Variants in SPAG16 observed in about 807,000 individuals in gnomAD.
SPAG16 encodes sperm-associated antigen 16 protein.
SPAG16 carries 86 observed loss-of-function variants against 80.4 expected under a neutral mutation model. The ratio of observed to expected loss-of-function variants is 1.07; its 90% CI spans 0.90 to 1.28. The LOEUF (loss-of-function observed/expected upper bound fraction) is 1.28. SPAG16 is among the 50% of genes most tolerant of loss of function. SPAG16 has a pLI of 0.00. For synonymous variants in SPAG16, 294 were observed against 265.9 expected, an observed-to-expected ratio of 1.11 and a Z score of -1.03; for missense variants, 870 against 765.3, an observed-to-expected ratio of 1.14 and a Z score of -1.61.
At chr2:214,371,591 G>T (rs1699820432) in intron 15 of SPAG16, among the ~76,000 whole-genome samples, 2 of 148,808 alleles carry the variant, frequency 1.3e-5, no homozygotes. Flanking sequence ...GTTTCAGGAA[G>T]ATAAATTCAT....
At chr2:213,378,097 G>C (rs1310450540) in intron 9 of SPAG16, among the ~76,000 whole-genome samples, 1 of 152,096 alleles carries the variant, frequency 6.6e-6, no homozygotes. Flanking sequence ...CCAGCATGGA[G>C]AAAGATGTAG....
At chr2:214,395,971 A>C (rs1372621228) in intron 15 of SPAG16, among the ~76,000 whole-genome samples, 1 of 152,144 alleles carries the variant, frequency 6.6e-6, no homozygotes, top group Non-Finnish European at 1.5e-5. Context: ...TGCTATTGTG[A>C]ATAGTGCTGC....
intron 5 of SPAG16, among the ~76,000 whole-genome samples, chr2:213,328,335 A>G (rs1048323078): frequency 1.3e-5 from 2 of 151,100 alleles, no homozygotes; most frequent in Non-Finnish European, 3.0e-5. Context: ...TCTTTTTGCA[A>G]ATTATTTGAA....
chr2:213,904,538 C>A (rs1392412825), intron 11 of SPAG16, among the ~76,000 whole-genome samples: 1 of 123,758 alleles, frequency 8.1e-6, no homozygotes, highest in Non-Finnish European at 1.6e-5. Flanking sequence ...AAGTACAATT[C>A]AAGATGAGAT....
At chr2:214,203,330 T>C (rs1241949478) in intron 15 of SPAG16, among the ~76,000 whole-genome samples, 1 of 152,168 alleles carries the variant, frequency 6.6e-6, no homozygotes, top group Admixed American at 6.6e-5. Flanking sequence ...AGGACTAACT[T>C]TCAGCTCCCA....
chr2:214,069,747 A>G (rs1019745596), intron 13 of SPAG16, among the ~76,000 whole-genome samples: 7 of 151,990 alleles, frequency 4.6e-5, no homozygotes, highest in Non-Finnish European at 1.5e-5. Flanking sequence ...AGAAACTTCT[A>G]TATCTACTCA....
chr2:214,148,548 A>G (rs181394410), intron 14 of SPAG16, among the ~76,000 whole-genome samples: 18 of 152,236 alleles, frequency 1.2e-4, no homozygotes, highest in African/African-American at 3.9e-4. Context: ...GCACCATTTC[A>G]TTGCCATCAA....
chr2:213,981,681 G>A lies in SPAG16; in HGVS notation c.1401-32270G>A, dbSNP rs557031431. 2.6e-5 allele frequency among the ~76,000 whole-genome samples: 4 copies of A among 152,000 alleles called. No homozygotes were observed. In the East Asian group the frequency reaches 7.7e-4, roughly 29 times the overall value. On this transcript the variant is annotated intron_variant, in intron 12 of 15. Transcript: ENST00000331683. ...AGCTTCTTATTAGAGGGTCAGATTG[G>A]TTTTATATTAATGTGAAGAGCGCAA...
chr2:214,179,258 T>C (rs2057232572), intron 15 of SPAG16, among the ~76,000 whole-genome samples: 1 of 151,484 alleles, frequency 6.6e-6, no homozygotes, highest in African/African-American at 2.4e-5. Context: ...ATTGTTTCCA[T>C]TGAGTTTTAT....
chr2:213,941,588 G>C (rs1036418038), intron 12 of SPAG16, among the ~76,000 whole-genome samples: 4 of 152,072 alleles, frequency 2.6e-5, no homozygotes, highest in African/African-American at 9.7e-5. Context: ...AACATACTGG[G>C]AAAGTAGTAA....
intron 12 of SPAG16, among the ~76,000 whole-genome samples, chr2:213,971,374 A>G (rs1241566303): frequency 6.6e-6 from 1 of 152,254 alleles, no homozygotes; most frequent in Non-Finnish European, 1.5e-5. Flanking sequence ...AAATACTAAT[A>G]TATGCAAAAC....
chr2:214,387,593 G>A (rs547260796), intron 15 of SPAG16, among the ~76,000 whole-genome samples: 2 of 152,214 alleles, frequency 1.3e-5, no homozygotes, highest in African/African-American at 2.4e-5. Context: ...CCATCCTCAC[G>A]CTGCTAATAA....
rs556706286 is a variant in SPAG16 at position 213,595,561 on chromosome 2, G to T, written c.1070+105471G>T. Among the ~76,000 whole-genome samples the T allele has an allele frequency of 1.4e-3, 216 of 152,152 alleles. 1 individual carries two copies. Among genetic ancestry groups the T allele is most frequent in the African/African-American group, 5.1e-3 (210 of 41,562 alleles). The stretch of plus-strand genomic sequence containing the variant: ...TTTAGATAATTTAGGTAGTTATGGA[G>T]TTAATAGTTTTAGAATATTTCTGTT... On this transcript the variant is annotated intron_variant, in intron 10 of 15. Coordinates refer to ENST00000331683, the MANE Select transcript of SPAG16 (RefSeq NM_024532.5).
intron 10 of SPAG16, among the ~76,000 whole-genome samples, chr2:213,718,023 T>C (rs140499779): frequency 1.3e-5 from 2 of 151,830 alleles, no homozygotes; most frequent in Admixed American, 6.6e-5. Context: ...AAATAGCTTC[T>C]GCACAGCAAA....
Position 213,659,347 on chromosome 2 carries a change from A to G in SPAG16, c.1070+169257A>G, listed in dbSNP as rs535336923. On this transcript the variant is annotated intron_variant, in intron 10 of 15. Transcript: ENST00000331683. ...CCAATCATCTTAAAAAAAAAAAAAA[A>G]GAAAAGAGAAAGAATCCCAATGGAC... is the stretch of plus-strand genomic sequence containing the variant. Among the ~76,000 whole-genome samples, 98 of 151,856 alleles carry G rather than the reference A, an allele frequency of 6.5e-4. No homozygotes were observed. In the Middle Eastern group the frequency reaches 0.01, roughly 16 times the overall value.
intron 10 of SPAG16, among the ~76,000 whole-genome samples, chr2:213,594,637 T>C (rs16850494): frequency 0.011 from 1,622 of 152,344 alleles, 44 homozygotes; most frequent in African/African-American, 0.037. Context: ...TGATTACTCC[T>C]GTGGGTTCCC....
intron 10 of SPAG16, among the ~76,000 whole-genome samples, chr2:213,529,930 A>C (rs1479980979): frequency 6.6e-6 from 1 of 152,212 alleles, no homozygotes; most frequent in Non-Finnish European, 1.5e-5. Context: ...ACTCAAATAC[A>C]CACATTAGCA....
intron 14 of SPAG16, among the ~76,000 whole-genome samples, chr2:214,112,432 TTG>T (rs1245716017): frequency 2.6e-5 from 4 of 152,242 alleles, no homozygotes; most frequent in South Asian, 2.1e-4. Flanking sequence ...CCCATTATTA[TTG>T]TGTGGGAGTC....
chr2:213,909,477 T>C (rs975985361), intron 11 of SPAG16, among the ~76,000 whole-genome samples: 6 of 152,024 alleles, frequency 3.9e-5, no homozygotes, highest in Admixed American at 3.9e-4. Flanking sequence ...CTTCAAACTA[T>C]ACTACAAGGC....
Sources: gnomAD v4.1 joint callset for allele counts (sites outside exome capture counted in the v4.1 genomes callset) on GRCh38, gnomAD v4.1.1 for gene constraint, MANE v1.5 for transcripts, NCBI Gene and HGNC (gene_info 2026-07-23, HGNC 2026-07-21) for gene names.